LIN28A: variants seen among roughly 807,000 people sequenced by gnomAD.
The protein encoded by LIN28A is lin-28 RNA binding posttranscriptional regulator A.
LIN28A carries 11 observed loss-of-function variants against 21.1 expected under a neutral mutation model. The ratio of observed to expected loss-of-function variants is 0.52; its 90% confidence interval spans 0.33 to 0.86. LIN28A has a LOEUF of 0.86. LIN28A is among the 40% of genes least tolerant of loss of function. The pLI, the probability that LIN28A is intolerant of heterozygous loss-of-function variation, is 0.03. For missense variants in LIN28A, 219 were observed against 279.8 expected (o/e 0.78, Z 1.55); for synonymous variants, 111 against 108.7 (o/e 1.02, Z -0.13).
At chr1:26,420,454 A>G (rs972339503) in intron 2 of LIN28A, among the ~76,000 whole-genome samples, 24 of 151,996 alleles carry the variant, frequency 1.6e-4, no homozygotes, top group Non-Finnish European at 3.2e-4. Flanking sequence ...TCTCTACTAG[A>G]AATACAAAAA....
At chr1:26,424,433 GGTTTCACCAT>G (rs1220452039) in intron 2 of LIN28A, among the ~76,000 whole-genome samples, 8 of 151,844 alleles carry the variant, frequency 5.3e-5, no homozygotes, top group Non-Finnish European at 4.4e-5. Flanking sequence ...GTAGAGACAG[GGTTTCACCAT>G]GTTGGCCAGG....
chr1:26,426,512 C>G lies in LIN28A; in HGVS notation c.*54C>G. 7.0e-7 allele frequency: 1 copy of G among 1,420,218 alleles called. No individual in the cohort carries two copies. The highest frequency in any genetic ancestry group is 9.9e-7 in the Non-Finnish European group (1 of 1,011,182). The allele number at this position is 1,420,218 out of a possible 1,614,324, so 88.0% of individuals were successfully genotyped here. Reference sequence around the variant, plus strand: ...CTATCAGGAAGTTTTGAGGAGCAGGCAGAGTGGAGAAAGTGGGAATAGGGT... The same window carrying G: ...CTATCAGGAAGTTTTGAGGAGCAGGGAGAGTGGAGAAAGTGGGAATAGGGT... On this transcript the variant is annotated 3_prime_UTR_variant, in exon 4 of 4. Transcript: ENST00000326279.
At chr1:26,415,932 G>A (rs575361437) in intron 2 of LIN28A, among the ~76,000 whole-genome samples, 47 of 152,294 alleles carry the variant, frequency 3.1e-4, no homozygotes, top group Non-Finnish European at 5.9e-4. Flanking sequence ...TGAAGACATT[G>A]TGGAATCTTC....
rs551428116 is a variant in LIN28A, at chr1:26,428,639, C to T, written c.*2181C>T. On this transcript the variant is annotated 3_prime_UTR_variant, in exon 4 of 4. Coordinates refer to ENST00000326279, the MANE Select transcript of LIN28A (RefSeq NM_024674.6). ...CACTGCAGCCTCTGCCTCTTGGGTT[C>T]AAGTGATTCTCCTGCCTCAGCCTCC... is the stretch of plus-strand genomic sequence containing the variant. 2 of 151,468 alleles carry T rather than the reference C, an allele frequency of 1.3e-5. No homozygotes were observed. Among genetic ancestry groups the T allele is most frequent in the East Asian group, 2.0e-4 (1 of 5,108 alleles). The allele number at this position is 151,468 out of a possible 1,614,324, so 9.4% of individuals were successfully genotyped here.
chr1:26,425,342 G>A lies in LIN28A; in HGVS notation c.268G>A (p.Gly90Ser), dbSNP rs2075052260. 6.2e-7 allele frequency: 1 copy of A among 1,613,946 alleles called. No homozygotes were observed. The highest frequency in any genetic ancestry group is 8.5e-7 in the Non-Finnish European group (1 of 1,180,024). The change falls in exon 3 of 4, where the codon GGT becomes AGT. Residue 90 changes from glycine to serine, a missense_variant. By Grantham distance (56) the Gly-to-Ser change is moderately conservative. This residue lies in a region of LIN28A where 124 missense variants were observed against 193.1 expected (regional missense o/e 0.64). Transcript: ENST00000326279. Reference protein sequence around the residue: ...HMEGFRSLKEGEAVEFTFKKS... With the variant: ...HMEGFRSLKESEAVEFTFKKS... ...GGAAGGGTTCCGGAGCTTGAAGGAG[G>A]GTGAGGCAGTGGAGTTCACCTTTAA...
chr1:26,426,687 A>AG lies in LIN28A; in HGVS notation c.*235dup, dbSNP rs1031858129. The AG allele has an allele frequency of 7.5e-5, 39 of 520,232 alleles. No individual in the cohort carries two copies. The East Asian group carries it at 9.3e-4, about 12-fold the overall frequency. The allele number at this position is 520,232 out of a possible 1,614,324, so 32.2% of individuals were successfully genotyped here. On this transcript the variant is annotated 3_prime_UTR_variant, in exon 4 of 4. Coordinates refer to ENST00000326279, the MANE Select transcript of LIN28A (RefSeq NM_024674.6). ...AGTGAGGGTTCTGGGGGCAACCAGGAGGGGGGAATCACCCTACAACCTGCA... is the reference window on the plus strand; with the variant it reads ...AGTGAGGGTTCTGGGGGCAACCAGGAGGGGGGGAATCACCCTACAACCTGCA...
chr1:26,418,089 T>C (rs1160759640), intron 2 of LIN28A, among the ~76,000 whole-genome samples: 3 of 151,964 alleles, frequency 2.0e-5, no homozygotes, highest in Non-Finnish European at 4.4e-5. Flanking sequence ...CCCCTAAGGC[T>C]CATTCTATCT....
intron 2 of LIN28A, among the ~76,000 whole-genome samples, chr1:26,412,963 C>T (rs2074969918): frequency 6.6e-6 from 1 of 152,100 alleles, no homozygotes; most frequent in Non-Finnish European, 1.5e-5. Context: ...CCTTATTCCC[C>T]CAACCCCCCA....
Position 26,411,689 on chromosome 1 carries a change from T to C in LIN28A, c.228+107T>C. ...AATTGAGGGCCATCGGGAGCCCTCA[T>C]TATGCATCCCTGTCTTTGCTTCGGC... On this transcript the variant is annotated intron_variant, in intron 2 of 3. Coordinates refer to ENST00000326279, the MANE Select transcript of LIN28A (RefSeq NM_024674.6). The surrounding 1 kb of genome is among the most constrained non-coding windows in gnomAD (Gnocchi z 5.4). The C allele has an allele frequency of 8.9e-7, 1 of 1,117,400 alleles. No homozygotes were observed. The highest frequency in any genetic ancestry group is 1.3e-6 in the Non-Finnish European group (1 of 760,128). 69.2% of individuals were successfully genotyped at this position (1,117,400 alleles called of 1,614,324 possible).
chr1:26,412,393 A>G (rs1329952546), intron 2 of LIN28A, among the ~76,000 whole-genome samples: 2 of 152,040 alleles, frequency 1.3e-5, no homozygotes, highest in African/African-American at 4.8e-5. Context: ...ACAGCCATTG[A>G]TTGCTGTCTT....
At chr1:26,423,826 G>A (rs1482248150) in intron 2 of LIN28A, among the ~76,000 whole-genome samples, 1 of 151,550 alleles carries the variant, frequency 6.6e-6, no homozygotes, top group Non-Finnish European at 1.5e-5. Context: ...ACAGTGGCGC[G>A]ATCTCAGCTC....
At chr1:26,421,937 A>G (rs1047764806) in intron 2 of LIN28A, among the ~76,000 whole-genome samples, 3 of 151,906 alleles carry the variant, frequency 2.0e-5, no homozygotes, top group African/African-American at 7.3e-5. Flanking sequence ...TTTTGAAACC[A>G]TAAGTTGGAG....
Position 26,428,135 on chromosome 1 carries a change from T to C in LIN28A, c.*1677T>C, listed in dbSNP as rs2075070829. The C allele has an allele frequency of 6.6e-6, 1 of 152,654 alleles. No individual in the cohort carries two copies. The highest frequency in any genetic ancestry group is 1.5e-5 in the Non-Finnish European group (1 of 68,044). The allele number at this position is 152,654 out of a possible 1,614,324, so 9.5% of individuals were successfully genotyped here. On this transcript the variant is annotated 3_prime_UTR_variant, in exon 4 of 4. Transcript: ENST00000326279. The stretch of plus-strand genomic sequence containing the variant: ...AGTTTGTGTAAATATAATGTATTGG[T>C]CTTTCTCCGTGTTCTTTGGGGGTTT...
At position 26,425,312 on chromosome 1, in the gene LIN28A, C is replaced by T. The variant is rs753361908; in HGVS notation, c.238C>T (p.His80Tyr). 6.2e-7 allele frequency: 1 copy of T among 1,612,936 alleles called. No individual in the cohort carries two copies. The highest frequency in any genetic ancestry group is 1.7e-5 in the Admixed American group (1 of 59,932). Reference sequence around the variant, plus strand: ...CATTTCCCTTCACCAGAGTAAGCTGCACATGGAAGGGTTCCGGAGCTTGAA... The same window carrying T: ...CATTTCCCTTCACCAGAGTAAGCTGTACATGGAAGGGTTCCGGAGCTTGAA... ...VDVFVHQSKL[H>Y]MEGFRSLKEG... Residue 80 changes from histidine (H) to tyrosine (Y), a missense_variant, in exon 3 of 4, where the codon CAC becomes TAC. His to Tyr is a moderately conservative substitution (Grantham distance 83, BLOSUM62 2). Transcript: ENST00000326279.
intron 2 of LIN28A, among the ~76,000 whole-genome samples, chr1:26,421,407 A>T (rs1394581747): frequency 6.6e-6 from 1 of 152,344 alleles, no homozygotes; most frequent in East Asian, 1.9e-4. Flanking sequence ...TTTTTAAAGC[A>T]ACAATGAGAT....
chr1:26,422,652 G>A (rs2075034446), intron 2 of LIN28A, among the ~76,000 whole-genome samples: 1 of 152,090 alleles, frequency 6.6e-6, no homozygotes, highest in African/African-American at 2.4e-5. Context: ...TCCCATTGTA[G>A]GCAAAGCTAA....
chr1:26,423,988 T>G (rs2075043644), intron 2 of LIN28A, among the ~76,000 whole-genome samples: 1 of 151,598 alleles, frequency 6.6e-6, no homozygotes, highest in African/African-American at 2.4e-5. Flanking sequence ...GGTCTCGATC[T>G]CCTGACCTCG....
intron 2 of LIN28A, among the ~76,000 whole-genome samples, chr1:26,414,154 T>A (rs2074979464): frequency 6.6e-6 from 1 of 151,706 alleles, no homozygotes; most frequent in Admixed American, 6.6e-5. Flanking sequence ...AATGACTCTC[T>A]GGAAATCTTA....
At chr1:26,418,241 C>A (rs2075006772) in intron 2 of LIN28A, among the ~76,000 whole-genome samples, 1 of 151,456 alleles carries the variant, frequency 6.6e-6, no homozygotes. Flanking sequence ...TCCCTGTTAT[C>A]AAAAAAAGAA....
Sources: gnomAD v4.1 joint callset for allele counts (sites outside exome capture counted in the v4.1 genomes callset) on GRCh38, gnomAD v4.1.1 for gene constraint, gnomAD v4.1.1 regional missense constraint, Gnocchi (gnomAD v3.1) non-coding constraint, MANE v1.5 for transcripts, NCBI Gene and HGNC (gene_info 2026-07-23, HGNC 2026-07-21) for gene names.